The following MLLT3 variants were observed in gnomAD, a reference collection of about 807,000 sequenced individuals.
MLLT3 encodes protein AF-9.
Under a neutral mutation model 53.2 loss-of-function variants are expected in MLLT3, and 4 were observed. The observed-to-expected ratio is 0.08, with a 90% CI of 0.04 to 0.17. The LOEUF is 0.17. Among genes scored for constraint, MLLT3 ranks in the 10% least tolerant of loss-of-function variants. The pLI is 1.00. For synonymous variants in MLLT3, 283 were observed against 230.6 expected, an observed-to-expected ratio of 1.23 and a Z score of -2.06; for missense variants, 569 against 684.0, an observed-to-expected ratio of 0.83 and a Z score of 1.87.
intron 2 of MLLT3, among the ~76,000 whole-genome samples, chr9:20,517,262 G>C (rs1817938644): frequency 6.6e-6 from 1 of 151,818 alleles, no homozygotes; most frequent in Admixed American, 6.6e-5. Context: ...TACTGTAGAG[G>C]GCTACAAAAC....
chr9:20,569,226 T>C (rs1051304904), intron 2 of MLLT3, among the ~76,000 whole-genome samples: 1 of 152,170 alleles, frequency 6.6e-6, no homozygotes, highest in South Asian at 2.1e-4. Context: ...GTGCCTCCCA[T>C]GGTCTTATTC....
At chr9:20,541,117 G>C (rs1197245676) in intron 2 of MLLT3, among the ~76,000 whole-genome samples, 4 of 152,148 alleles carry the variant, frequency 2.6e-5, no homozygotes, top group Non-Finnish European at 5.9e-5. Flanking sequence ...CTTTACTCCA[G>C]TTCCCAATAA....
chr9:20,444,610 C>T (rs916027898), intron 4 of MLLT3, among the ~76,000 whole-genome samples: 1 of 152,184 alleles, frequency 6.6e-6, no homozygotes, highest in Non-Finnish European at 1.5e-5. Flanking sequence ...CAGTGACTCA[C>T]ACCTGTAGTT....
At chr9:20,506,174 T>A (rs1825375719) in intron 2 of MLLT3, among the ~76,000 whole-genome samples, 1 of 152,006 alleles carries the variant, frequency 6.6e-6, no homozygotes. Flanking sequence ...CCTGTCTCAG[T>A]CCCCCAAGTA....
intron 2 of MLLT3, among the ~76,000 whole-genome samples, chr9:20,498,769 G>A (rs777625280): frequency 5.3e-5 from 8 of 152,174 alleles, no homozygotes; most frequent in Non-Finnish European, 1.0e-4. Context: ...GCCCTTGTCA[G>A]ACATATGTTA....
intron 2 of MLLT3, among the ~76,000 whole-genome samples, chr9:20,470,590 C>T (rs1028420106): frequency 6.6e-6 from 1 of 151,980 alleles, no homozygotes; most frequent in Non-Finnish European, 1.5e-5. Flanking sequence ...ATAAGCTTTA[C>T]CTACCTTATC....
chr9:20,616,453 G>A (rs2131214543), intron 2 of MLLT3, among the ~76,000 whole-genome samples: 1 of 151,864 alleles, frequency 6.6e-6, no homozygotes, highest in African/African-American at 2.4e-5. Context: ...AGTTATGTGT[G>A]CTCATTGAAT....
intron 4 of MLLT3, among the ~76,000 whole-genome samples, chr9:20,446,217 C>T (rs1473819937): frequency 6.6e-6 from 1 of 152,068 alleles, no homozygotes; most frequent in East Asian, 1.9e-4. Context: ...CAGCATATGC[C>T]TGGAATAGTT....
At chr9:20,505,739 G>A (rs1252431155) in intron 2 of MLLT3, among the ~76,000 whole-genome samples, 1 of 152,188 alleles carries the variant, frequency 6.6e-6, no homozygotes, top group Non-Finnish European at 1.5e-5. Context: ...CCAACAGTTG[G>A]TAGGTTTTTC....
chr9:20,346,651 G>T lies in MLLT3; in HGVS notation c.1576-77C>A, dbSNP rs889149559. 1.9e-5 allele frequency: 26 copies of T among 1,357,092 alleles called. No homozygotes were observed. The African/African-American group carries it at 3.1e-4, about 16-fold the overall frequency. 84.1% of individuals were successfully genotyped at this position (1,357,092 alleles called of 1,614,324 possible). A position where few individuals can be genotyped will look rare whatever the true frequency, so the allele number is the denominator to read the frequency against. ...GGCAAAGAGAGAGTAATGGAGGGGC[G>T]ATCAAATATGGAATCAAGTGATAAA... On this transcript the variant is annotated intron_variant, in intron 10 of 10. Transcript: ENST00000380338.
chr9:20,352,346 T>C (rs913817873), intron 10 of MLLT3, among the ~76,000 whole-genome samples: 10 of 152,220 alleles, frequency 6.6e-5, no homozygotes, highest in Non-Finnish European at 1.5e-4. Flanking sequence ...AGAAAGATCA[T>C]GCAATAGATC....
At chr9:20,391,824 T>C (rs1321160961) in intron 5 of MLLT3, among the ~76,000 whole-genome samples, 1 of 152,214 alleles carries the variant, frequency 6.6e-6, no homozygotes, top group African/African-American at 2.4e-5. Context: ...ATGTGATAAA[T>C]GTCGAACTAG....
At chr9:20,421,355 C>T (rs150365456) in intron 4 of MLLT3, among the ~76,000 whole-genome samples, 5 of 152,014 alleles carry the variant, frequency 3.3e-5, no homozygotes, top group African/African-American at 1.2e-4. Flanking sequence ...TCTGGAGGCA[C>T]AGAAAAACAT....
chr9:20,411,542 C>G (rs1165007425), intron 5 of MLLT3, among the ~76,000 whole-genome samples: 1 of 152,172 alleles, frequency 6.6e-6, no homozygotes, highest in African/African-American at 2.4e-5. Flanking sequence ...TCTTTACAGG[C>G]TTTCTCAGCA....
At chr9:20,358,552 C>G (rs1821231053) in intron 8 of MLLT3, among the ~76,000 whole-genome samples, 1 of 152,208 alleles carries the variant, frequency 6.6e-6, no homozygotes, top group Admixed American at 6.5e-5. Context: ...AGGTAAAAAA[C>G]AGTCTGACAA....
At chr9:20,435,730 A>G (rs1212446096) in intron 4 of MLLT3, among the ~76,000 whole-genome samples, 2 of 152,186 alleles carry the variant, frequency 1.3e-5, no homozygotes, top group African/African-American at 4.8e-5. Flanking sequence ...TTTCAGAAGC[A>G]AAAGAAATTA....
chr9:20,555,505 C>T lies in MLLT3; in HGVS notation c.193+65149G>A, dbSNP rs990329479. On this transcript the variant is annotated intron_variant, in intron 2 of 10. Transcript: ENST00000380338. ...AAACATAAAACTTAAAATCTCACTA[C>T]TCTACTACATTCTACACTGATGGTC... Among the ~76,000 whole-genome samples the T allele has an allele frequency of 9.8e-5, 15 of 152,306 alleles. No homozygotes were observed. The East Asian group carries it at 1.3e-3, about 14-fold the overall frequency.
chr9:20,350,610 G>C (rs1311796383), intron 10 of MLLT3, among the ~76,000 whole-genome samples: 3 of 147,222 alleles, frequency 2.0e-5, no homozygotes, highest in Admixed American at 2.0e-4. Context: ...AAGAAAGAAA[G>C]AAAAACAGGC....
chr9:20,430,754 C>T (rs1490513976), intron 4 of MLLT3, among the ~76,000 whole-genome samples: 1 of 151,970 alleles, frequency 6.6e-6, no homozygotes, highest in Non-Finnish European at 1.5e-5. Flanking sequence ...AATCTGATCA[C>T]ATTAAGAATT....
Sources: allele counts gnomAD v4.1 joint callset (sites outside exome capture counted in the v4.1 genomes callset), GRCh38; gene constraint gnomAD v4.1.1; transcripts MANE v1.5; gene names NCBI Gene and HGNC (gene_info 2026-07-23, HGNC 2026-07-21).